CTNNA3: variants seen among roughly 807,000 people sequenced by gnomAD.
CTNNA3 encodes the protein catenin alpha-3.
In CTNNA3, 76 loss-of-function variants were observed where a neutral mutation model predicts 95.7. The ratio of observed to expected loss-of-function variants is 0.79; its 90% CI spans 0.66 to 0.96. The LOEUF is 0.96. Ranked by LOEUF, CTNNA3 falls within the 40% of genes least tolerant of loss-of-function variation. The probability of loss-of-function intolerance (pLI) is 0.00; values close to 1 mark genes in which losing one functional copy is unlikely to be tolerated. For missense variants in CTNNA3, 1,191 were observed against 1,089.8 expected (o/e 1.09, Z -1.31); for synonymous variants, 431 against 374.4 (o/e 1.15, Z -1.74).
At chr10:67,234,920 C>T (rs1043767868) in intron 5 of CTNNA3, among the ~76,000 whole-genome samples, 18 of 146,314 alleles carry the variant, frequency 1.2e-4, no homozygotes, top group Non-Finnish European at 2.2e-4. Flanking sequence ...ACAATTGCTT[C>T]AAAGAGAATA....
At chr10:66,680,020 C>T (rs186624760) in intron 9 of CTNNA3, among the ~76,000 whole-genome samples, 3 of 152,028 alleles carry the variant, frequency 2.0e-5, no homozygotes, top group East Asian at 1.9e-4. Flanking sequence ...TTTTTTGACA[C>T]GGATTCTCTG....
At chr10:67,130,960 G>A (rs1859971508) in intron 7 of CTNNA3, among the ~76,000 whole-genome samples, 1 of 152,048 alleles carries the variant, frequency 6.6e-6, no homozygotes, top group African/African-American at 2.4e-5. Flanking sequence ...ATGAATCAAG[G>A]ATGGCACAAA....
intron 13 of CTNNA3, among the ~76,000 whole-genome samples, chr10:66,181,417 C>A (rs543588943): frequency 2.3e-4 from 35 of 152,238 alleles, no homozygotes; most frequent in African/African-American, 8.2e-4. Flanking sequence ...TCAAATAATA[C>A]AATAACTTTT....
intron 5 of CTNNA3, among the ~76,000 whole-genome samples, chr10:67,372,767 C>T (rs1162686983): frequency 6.6e-6 from 1 of 152,228 alleles, no homozygotes; most frequent in African/African-American, 2.4e-5. Flanking sequence ...ATCAGACTAA[C>T]AGCAGATCTC....
intron 3 of CTNNA3, among the ~76,000 whole-genome samples, chr10:67,562,029 GAT>G (rs1841531937): frequency 1.3e-5 from 2 of 152,152 alleles, no homozygotes; most frequent in Admixed American, 1.3e-4. Flanking sequence ...TCCAGGACCA[GAT>G]GGATTCACAG....
At chr10:66,841,874 G>T (rs1207104718) in intron 7 of CTNNA3, among the ~76,000 whole-genome samples, 1 of 152,092 alleles carries the variant, frequency 6.6e-6, no homozygotes, top group Non-Finnish European at 1.5e-5. Context: ...ATGAAAAAAT[G>T]ATTTATGAGG....
chr10:65,943,285 C>T lies in CTNNA3; in HGVS notation c.2401-22668G>A, dbSNP rs2077458046. Among the ~76,000 whole-genome samples, 4 of 151,938 alleles carry T rather than the reference C, an allele frequency of 2.6e-5. No individual in the cohort carries two copies. In the South Asian group the frequency reaches 8.3e-4, roughly 32 times the overall value. ...TTCACCATGTTAGCCAGGATGGTCT[C>T]GATCTCCTGACCTCGTGATCCACCC... On this transcript the variant is annotated intron_variant, in intron 17 of 17. Transcript: ENST00000433211.
chr10:66,806,796 G>A (rs977501217), intron 7 of CTNNA3, among the ~76,000 whole-genome samples: 35 of 135,496 alleles, frequency 2.6e-4, no homozygotes, highest in African/African-American at 4.9e-4. Flanking sequence ...GTGTGTGTGT[G>A]TATACATATA....
intron 5 of CTNNA3, among the ~76,000 whole-genome samples, chr10:67,353,102 G>T (rs1842692210): frequency 6.6e-6 from 1 of 151,994 alleles, no homozygotes; most frequent in Admixed American, 6.6e-5. Flanking sequence ...CCACTTACTA[G>T]CTCTGTAGCT....
intron 15 of CTNNA3, among the ~76,000 whole-genome samples, chr10:66,032,093 T>C (rs2079459978): frequency 6.6e-6 from 1 of 152,198 alleles, no homozygotes; most frequent in South Asian, 2.1e-4. Flanking sequence ...AAAGTAGTCA[T>C]ATCTTGGAAT....
At chr10:66,953,326 T>C (rs1848632000) in intron 7 of CTNNA3, among the ~76,000 whole-genome samples, 1 of 152,178 alleles carries the variant, frequency 6.6e-6, no homozygotes, top group Non-Finnish European at 1.5e-5. Flanking sequence ...ATTCAAGTTA[T>C]TAAAGACAAA....
chr10:67,739,137 T>C (rs1441706298), intron 1 of CTNNA3, among the ~76,000 whole-genome samples: 2 of 152,016 alleles, frequency 1.3e-5, no homozygotes, highest in Non-Finnish European at 2.9e-5. Flanking sequence ...AGACACATAA[T>C]TGTCAGATTC....
At chr10:65,956,336 C>G (rs1459625543) in intron 17 of CTNNA3, among the ~76,000 whole-genome samples, 2 of 152,260 alleles carry the variant, frequency 1.3e-5, no homozygotes, top group African/African-American at 4.8e-5. Context: ...TTTCAAAAAA[C>G]CAGCTCCTGG....
rs189767132 is a variant in CTNNA3 at position 67,310,582 on chromosome 10, G to A, written c.580-90712C>T. On this transcript the variant is annotated intron_variant, in intron 5 of 17. Coordinates refer to ENST00000433211, the MANE Select transcript of CTNNA3 (RefSeq NM_013266.4). ...GAGACTGGGCAATTTATAAAGGAAA[G>A]AAATTAAATTGACTCACAGTTTCAC... Among the ~76,000 whole-genome samples the A allele has an allele frequency of 2.6e-5, 4 of 152,280 alleles. No individual in the cohort carries two copies. In the South Asian group the frequency reaches 8.3e-4, roughly 32 times the overall value.
intron 13 of CTNNA3, among the ~76,000 whole-genome samples, chr10:66,227,307 C>T (rs1384837083): frequency 6.6e-6 from 1 of 151,484 alleles, no homozygotes; most frequent in East Asian, 1.9e-4. Context: ...AGTATATTAG[C>T]TGTGGTTTTG....
chr10:66,390,588 A>T (rs542140676), intron 11 of CTNNA3, among the ~76,000 whole-genome samples: 1 of 152,280 alleles, frequency 6.6e-6, no homozygotes, highest in East Asian at 1.9e-4. Flanking sequence ...CATAGCTATA[A>T]ATTAAAAACA....
intron 15 of CTNNA3, among the ~76,000 whole-genome samples, chr10:65,990,098 C>T (rs866480499): frequency 0.015 from 2,248 of 147,980 alleles, 61 homozygotes; most frequent in African/African-American, 0.053. Context: ...TGTGTGTATA[C>T]ACACACACAC....
At chr10:66,202,316 C>T (rs1473330332) in intron 13 of CTNNA3, among the ~76,000 whole-genome samples, 3 of 152,204 alleles carry the variant, frequency 2.0e-5, no homozygotes, top group Non-Finnish European at 4.4e-5. Context: ...GTAGCCTCCT[C>T]TTGTGTCAAT....
intron 1 of CTNNA3, among the ~76,000 whole-genome samples, chr10:67,679,524 G>T (rs1392291566): frequency 6.6e-6 from 1 of 152,124 alleles, no homozygotes; most frequent in Non-Finnish European, 1.5e-5. Context: ...AATTTAAAAA[G>T]TAAAACCAAA....
Sources: allele counts gnomAD v4.1 joint callset (sites outside exome capture counted in the v4.1 genomes callset), GRCh38; gene constraint gnomAD v4.1.1; transcripts MANE v1.5; gene names NCBI Gene and HGNC (gene_info 2026-07-23, HGNC 2026-07-21).